The following MAP3K4 variants were observed in gnomAD, a reference collection of about 807,000 sequenced individuals.
The protein encoded by MAP3K4 is mitogen-activated protein kinase kinase kinase 4.
A neutral mutation model predicts 185.6 loss-of-function variants in MAP3K4; 67 were observed. That is an observed-to-expected ratio of 0.36 (90% confidence interval 0.30 to 0.44). The LOEUF is 0.44. Ranked by LOEUF, MAP3K4 falls within the 20% of genes least tolerant of loss-of-function variation. MAP3K4 has a pLI of 1.00. For synonymous variants in MAP3K4, 702 were observed against 710.4 expected (o/e 0.99, Z 0.19); for missense variants, 1,551 against 1,995.1 (o/e 0.78, Z 4.24).
chr6:161,073,593 A>G lies in MAP3K4; in HGVS notation c.2078A>G (p.Asp693Gly), dbSNP rs1262929863. The G allele has an allele frequency of 6.2e-7, 1 of 1,613,658 alleles. No homozygotes were observed. Among genetic ancestry groups the G allele is most frequent in the Non-Finnish European group, 8.5e-7 (1 of 1,179,808 alleles). Residue 693 changes from aspartate to glycine, a missense_variant, in exon 5 of 27, where the codon GAT becomes GGT. Asp to Gly is a moderately conservative substitution (Grantham distance 94). Coordinates refer to ENST00000392142, the MANE Select transcript of MAP3K4 (RefSeq NM_005922.4). This position sits in a 1 kb window ranked among gnomAD's most constrained non-coding sequence, Gnocchi z 4.2. ...PDCNIDAFEE[D>G]LHKMLMVYFD... is the part of the protein sequence containing the mutation. ...TGCAACATTGACGCTTTTGAAGAGG[A>G]TCTACATAAAATGCTTATGGTCAGA... is the stretch of plus-strand genomic sequence containing the variant.
Position 161,093,672 on chromosome 6 carries a change from A to G in MAP3K4, c.3349-101A>G, listed in dbSNP as rs1392085217. 1.2e-5 allele frequency: 8 copies of G among 668,780 alleles called. No homozygotes were observed. The highest frequency in any genetic ancestry group is 1.9e-5 in the African/African-American group (1 of 53,904). The allele number at this position is 668,780 out of a possible 1,614,324, so 41.4% of individuals were successfully genotyped here. On this transcript the variant is annotated intron_variant, in intron 14 of 26. Transcript: ENST00000392142. The surrounding 1 kb of genome is among the most constrained non-coding windows in gnomAD (Gnocchi z 5.2). ...ACTAACTGAAAATATTTTGGGTAGC[A>G]TGTTTTTAAAAATATACTGAAAATT...
At chr6:161,021,604 C>T (rs1043665341) in intron 1 of MAP3K4, among the ~76,000 whole-genome samples, 3 of 152,204 alleles carry the variant, frequency 2.0e-5, no homozygotes, top group Admixed American at 6.5e-5. Context: ...TGGGCTTTGT[C>T]CCAGCACTTT....
chr6:161,086,932 TA>T lies in MAP3K4; in HGVS notation c.2556+269del, dbSNP rs1206442580. On this transcript the variant is annotated intron_variant, in intron 9 of 26. Coordinates refer to ENST00000392142, the MANE Select transcript of MAP3K4 (RefSeq NM_005922.4). The surrounding 1 kb of genome is among the most constrained non-coding windows in gnomAD (Gnocchi z 4.8). ...GTTTATTAATTTAGTTACACATATT[TA>T]AAATAATGTGTATAAGGAGATAATA... 3.9e-5 allele frequency among the ~76,000 whole-genome samples: 6 copies of T among 152,228 alleles called. No individual in the cohort carries two copies. Among genetic ancestry groups the T allele is most frequent in the African/African-American group, 1.2e-4 (5 of 41,460 alleles).
In MAP3K4 at chr6:161,048,464, T is replaced by G. The variant is rs1296068690; in HGVS notation, c.344-152T>G. On this transcript the variant is annotated intron_variant, in intron 2 of 26. Coordinates refer to ENST00000392142, the MANE Select transcript of MAP3K4 (RefSeq NM_005922.4). This position sits in a 1 kb window ranked among gnomAD's most constrained non-coding sequence, Gnocchi z 4.7. The stretch of plus-strand genomic sequence containing the variant: ...GAAAATGTCATATATATTTTTTGAT[T>G]CCTTTAATTTTTAGGATATGGTATG... The G allele has an allele frequency of 8.5e-6, 5 of 591,212 alleles. No homozygotes were observed. Among genetic ancestry groups the G allele is most frequent in the Non-Finnish European group, 1.5e-5 (5 of 344,068 alleles). The allele number at this position is 591,212 out of a possible 1,614,324, so 36.6% of individuals were successfully genotyped here. A position where few individuals can be genotyped will look rare whatever the true frequency, so the allele number is the denominator to read the frequency against.
chr6:161,111,344 G>A (rs1778340802), intron 23 of MAP3K4, among the ~76,000 whole-genome samples: 1 of 152,238 alleles, frequency 6.6e-6, no homozygotes. Flanking sequence ...CATATATGTT[G>A]CTTGTAGGAA....
At chr6:161,021,281 A>G (rs1389126311) in intron 1 of MAP3K4, among the ~76,000 whole-genome samples, 1 of 152,148 alleles carries the variant, frequency 6.6e-6, no homozygotes, top group African/African-American at 2.4e-5. Flanking sequence ...GAGTGTAGAC[A>G]GAAGCTGTTG....
chr6:161,064,636 C>CA lies in MAP3K4; in HGVS notation c.1708-5971dup, dbSNP rs1784622096. Among the ~76,000 whole-genome samples, 1 of 152,132 alleles carries CA rather than the reference C, an allele frequency of 6.6e-6. No homozygotes were observed. Among genetic ancestry groups the CA allele is most frequent in the South Asian group, 2.1e-4 (1 of 4,824 alleles). On this transcript the variant is annotated intron_variant, in intron 3 of 26. Transcript: ENST00000392142. This position sits in a 1 kb window ranked among gnomAD's most constrained non-coding sequence, Gnocchi z 4.3. ...TTTCTGTGCTGTTTTTATTTTTGCACATTACTTTCTTCCACATGGGCTTTA... is the reference window on the plus strand; with the variant it reads ...TTTCTGTGCTGTTTTTATTTTTGCACAATTACTTTCTTCCACATGGGCTTTA...
In MAP3K4 at chr6:161,061,167, A is replaced by G. The variant is rs891723996; in HGVS notation, c.1708-9441A>G. ...TCTCTTCTGACTTAATCCATATATC[A>G]CCACCTTTCTTTTTTTATTGAGAAG... On this transcript the variant is annotated intron_variant, in intron 3 of 26. Transcript: ENST00000392142. The surrounding 1 kb of genome is among the most constrained non-coding windows in gnomAD (Gnocchi z 4.2). 6.6e-6 allele frequency among the ~76,000 whole-genome samples: 1 copy of G among 152,136 alleles called. No homozygotes were observed. The highest frequency in any genetic ancestry group is 2.4e-5 in the African/African-American group (1 of 41,430).
intron 2 of MAP3K4, among the ~76,000 whole-genome samples, chr6:161,045,101 T>G (rs142987529): frequency 6.6e-6 from 1 of 152,304 alleles, no homozygotes; most frequent in African/African-American, 2.4e-5. Flanking sequence ...TATATCCTTT[T>G]TGCACAGTAG....
chr6:161,022,286 A>G lies in MAP3K4; in HGVS notation c.153-11973A>G, dbSNP rs1186996703. On this transcript the variant is annotated intron_variant, in intron 1 of 26. Coordinates refer to ENST00000392142, the MANE Select transcript of MAP3K4 (RefSeq NM_005922.4). This position sits in a 1 kb window ranked among gnomAD's most constrained non-coding sequence, Gnocchi z 4.2. ...ATTTCAGTTAGACCTTTTATTTGAC[A>G]TATACAGATAAATAAACCAGGCAGA... 1 of 152,218 alleles carries G rather than the reference A, an allele frequency of 6.6e-6. No homozygotes were observed. Among genetic ancestry groups the G allele is most frequent in the Non-Finnish European group, 1.5e-5 (1 of 68,032 alleles). 9.4% of individuals were successfully genotyped at this position (152,218 alleles called of 1,614,324 possible). A position where few individuals can be genotyped will look rare whatever the true frequency, so the allele number is the denominator to read the frequency against.
rs1181896974 is a variant in MAP3K4 at position 161,086,623 on chromosome 6, G to T, written c.2512G>T (p.Val838Phe). Residue 838 changes from valine (V) to phenylalanine (F), a missense_variant, in exon 9 of 27, where the codon GTT (valine) becomes TTT (phenylalanine). By Grantham distance (50) the Val-to-Phe change is conservative. Transcript: ENST00000392142. The surrounding 1 kb of genome is among the most constrained non-coding windows in gnomAD (Gnocchi z 4.8). ...AGCAGAATTCAGGCTTTCAGCCCCA[G>T]TTAGAGACCTCCTGGATGTTCTGAA... ...IAAEFRLSAP[V>F]RDLLDVLKSK... 1 of 1,614,084 alleles carries T rather than the reference G, an allele frequency of 6.2e-7. No homozygotes were observed. The highest frequency in any genetic ancestry group is 1.3e-5 in the African/African-American group (1 of 75,042).
rs1319329174 is a variant in MAP3K4, at chr6:161,109,992, A to T, written c.4396+78A>T. ...CGTGGGAGGTGCTCTGAAGACGCTC[A>T]TCCCATTCCCACATATGATTTCTCT... On this transcript the variant is annotated intron_variant, in intron 23 of 26. Coordinates refer to ENST00000392142, the MANE Select transcript of MAP3K4 (RefSeq NM_005922.4). This position sits in a 1 kb window ranked among gnomAD's most constrained non-coding sequence, Gnocchi z 5.7. 2 of 1,442,628 alleles carry T rather than the reference A, an allele frequency of 1.4e-6. No homozygotes were observed. The highest frequency in any genetic ancestry group is 1.4e-5 in the African/African-American group (1 of 70,738). 89.4% of individuals were successfully genotyped at this position (1,442,628 alleles called of 1,614,324 possible).
In MAP3K4 at chr6:161,093,756, T is replaced by A; in HGVS notation, c.3349-17T>A. 1 of 1,552,562 alleles carries A rather than the reference T, an allele frequency of 6.4e-7. No homozygotes were observed. Among genetic ancestry groups the A allele is most frequent in the South Asian group, 1.1e-5 (1 of 87,750 alleles). ...CATGTTTTCTCTTTACCTTTCCCAT[T>A]TTCTTTTGGTTTCTAGAGTTTACAA... is the stretch of plus-strand genomic sequence containing the variant. On this transcript the variant is annotated splice_polypyrimidine_tract_variant and intron_variant, in intron 14 of 26. Transcript: ENST00000392142. The surrounding 1 kb of genome is among the most constrained non-coding windows in gnomAD (Gnocchi z 5.2).
rs1339652548 is a variant in MAP3K4 at position 161,112,966 on chromosome 6, T to C, written c.4626+192T>C. On this transcript the variant is annotated intron_variant, in intron 25 of 26. Transcript: ENST00000392142. The surrounding 1 kb of genome is among the most constrained non-coding windows in gnomAD (Gnocchi z 5.1). ...CCAGGAAACAAATATTTGTAAGATA[T>C]CTGCCACAGAGAACTCTTATGAGTG... 6.6e-6 allele frequency among the ~76,000 whole-genome samples: 1 copy of C among 152,126 alleles called. No homozygotes were observed. Among genetic ancestry groups the C allele is most frequent in the Non-Finnish European group, 1.5e-5 (1 of 68,024 alleles).
chr6:160,993,792 A>G (rs1026822690), intron 1 of MAP3K4, among the ~76,000 whole-genome samples: 3 of 152,230 alleles, frequency 2.0e-5, no homozygotes, highest in Non-Finnish European at 2.9e-5. Flanking sequence ...TATAATAAAA[A>G]TAGGTCAGGA....
At chr6:161,068,273 T>A (rs1028979097) in intron 3 of MAP3K4, among the ~76,000 whole-genome samples, 2 of 152,178 alleles carry the variant, frequency 1.3e-5, no homozygotes, top group Non-Finnish European at 2.9e-5. Flanking sequence ...AGGGAGAGAT[T>A]AAATGAGTTA....
intron 1 of MAP3K4, among the ~76,000 whole-genome samples, chr6:160,995,798 T>C (rs1780960120): frequency 6.6e-6 from 1 of 152,214 alleles, no homozygotes; most frequent in Non-Finnish European, 1.5e-5. Context: ...TGTGACTTAT[T>C]GGATCTGTAC....
intron 1 of MAP3K4, among the ~76,000 whole-genome samples, chr6:161,033,486 G>A (rs552064707): frequency 6.6e-6 from 1 of 152,256 alleles, no homozygotes; most frequent in South Asian, 2.1e-4. Flanking sequence ...ATGAGAAATT[G>A]CATTTTGAAG....
rs909610206 is a variant in MAP3K4, at chr6:161,108,592, A to C, written c.4120-151A>C. On this transcript the variant is annotated intron_variant, in intron 21 of 26. Transcript: ENST00000392142. This position sits in a 1 kb window ranked among gnomAD's most constrained non-coding sequence, Gnocchi z 5.7. ...TATGACTTCACTCTAGCTTGGCTAA[A>C]AACTTCCTTTTTACTTAATTTTTTG... 1.9e-5 allele frequency: 12 copies of C among 625,624 alleles called. No homozygotes were observed. The highest frequency in any genetic ancestry group is 3.1e-5 in the Non-Finnish European group (11 of 351,988). The allele number at this position is 625,624 out of a possible 1,614,324, so 38.8% of individuals were successfully genotyped here. A position where few individuals can be genotyped will look rare whatever the true frequency, so the allele number is the denominator to read the frequency against.
Sources: gnomAD v4.1 joint callset for allele counts (sites outside exome capture counted in the v4.1 genomes callset) on GRCh38, gnomAD v4.1.1 for gene constraint, Gnocchi (gnomAD v3.1) non-coding constraint, MANE v1.5 for transcripts, NCBI Gene and HGNC (gene_info 2026-07-23, HGNC 2026-07-21) for gene names.